Variants in PEX7 observed in about 807,000 individuals in gnomAD.
PEX7 encodes PTS2 receptor.
PEX7 carries 34 observed loss-of-function variants against 47.5 expected under a neutral mutation model. The ratio of observed to expected loss-of-function variants is 0.72; its 90% CI spans 0.54 to 0.95. The LOEUF (loss-of-function observed/expected upper bound fraction) is 0.95, where lower values mean the gene tolerates loss of function less well. PEX7 is among the 40% of genes least tolerant of loss of function. The pLI, the probability that PEX7 is intolerant of heterozygous loss-of-function variation, is 0.00. For missense variants in PEX7, 394 were observed against 400.3 expected (o/e 0.98, Z 0.13); for synonymous variants, 141 against 148.8 (o/e 0.95, Z 0.38).
rs1025040347 is a variant in PEX7 at position 136,856,825 on chromosome 6, A to T, written c.527-9802A>T. 3.3e-5 allele frequency among the ~76,000 whole-genome samples: 5 copies of T among 152,228 alleles called. No homozygotes were observed. In the East Asian group the frequency reaches 9.6e-4, roughly 29 times the overall value. On this transcript the variant is annotated intron_variant, in intron 5 of 9. Coordinates refer to ENST00000318471, the MANE Select transcript of PEX7 (RefSeq NM_000288.4). The stretch of plus-strand genomic sequence containing the variant: ...GGCTGCACATCTAAGGCTTCAGATA[A>T]ATCAGAGGGGATTTGATGAAAATCA...
chr6:136,854,824 C>T (rs1219635111), intron 5 of PEX7, among the ~76,000 whole-genome samples: 1 of 152,180 alleles, frequency 6.6e-6, no homozygotes, highest in Non-Finnish European at 1.5e-5. Flanking sequence ...TGGTGGCTCA[C>T]ATCTGTAATC....
chr6:136,823,052 C>T, intron 1 of PEX7: 1 of 985,446 alleles, frequency 1.0e-6, no homozygotes, highest in South Asian at 4.7e-5. Flanking sequence ...TGTCCTTGTT[C>T]CTTGAGACCG....
chr6:136,822,951 CCTTT>C (rs1774109996), intron 1 of PEX7, 156 bp downstream of exon 1: 1 of 985,410 alleles, frequency 1.0e-6, no homozygotes, highest in African/African-American at 1.7e-5. Flanking sequence ...CGGCGCTTCT[CCTTT>C]CTTTGCCGAG....
intron 9 of PEX7, among the ~76,000 whole-genome samples, chr6:136,903,336 CTT>C (rs552573661): frequency 7.9e-6 from 1 of 126,302 alleles, no homozygotes; most frequent in Admixed American, 8.5e-5. Context: ...CTTTCTTTCT[CTT>C]TTTTTTTTTT....
chr6:136,870,475 G>T (rs1337084994), intron 7 of PEX7, among the ~76,000 whole-genome samples: 1 of 152,152 alleles, frequency 6.6e-6, no homozygotes, highest in East Asian at 1.9e-4. Flanking sequence ...AGCAGAGGAT[G>T]AGGTAAATTT....
chr6:136,842,350 T>C (rs1774516342), intron 3 of PEX7, among the ~76,000 whole-genome samples: 1 of 152,194 alleles, frequency 6.6e-6, no homozygotes, highest in Non-Finnish European at 1.5e-5. Flanking sequence ...GTCCTATCTT[T>C]AGCTCTGTCA....
intron 1 of PEX7, chr6:136,823,016 G>A (rs955874865): frequency 1.0e-6 from 1 of 985,472 alleles, no homozygotes; most frequent in Non-Finnish European, 1.2e-6. Context: ...GTGTGCAAGT[G>A]CATATACGTG....
At chr6:136,890,242 C>T (rs901028048) in intron 8 of PEX7, among the ~76,000 whole-genome samples, 8 of 152,198 alleles carry the variant, frequency 5.3e-5, no homozygotes, top group Non-Finnish European at 1.5e-5. Flanking sequence ...TATCTTTCTC[C>T]AGTATATTAT....
chr6:136,905,139 G>C (rs1775824659), intron 9 of PEX7, among the ~76,000 whole-genome samples: 1 of 152,120 alleles, frequency 6.6e-6, no homozygotes, highest in South Asian at 2.1e-4. Context: ...CTTACTGTTA[G>C]AAGAGAGTTC....
chr6:136,889,099 T>TTGG (rs1479625094), intron 8 of PEX7, among the ~76,000 whole-genome samples: 5 of 152,198 alleles, frequency 3.3e-5, no homozygotes, highest in East Asian at 3.8e-4. Context: ...TTTATATGTA[T>TTGG]GAAGCAATAA....
rs574929986 is a variant in PEX7 at position 136,874,969 on chromosome 6, G to A, written c.803+2716G>A. On this transcript the variant is annotated intron_variant, in intron 8 of 9. Coordinates refer to ENST00000318471, the MANE Select transcript of PEX7 (RefSeq NM_000288.4). ...AGCCTGACCAACATGGTGAAACCCC[G>A]TCTCTACTAAAAATACAAAATTAGC... Among the ~76,000 whole-genome samples, 11 of 151,950 alleles carry A rather than the reference G, an allele frequency of 7.2e-5. 1 individual carries two copies. Among genetic ancestry groups the A allele is most frequent in the South Asian group, 2.1e-4 (1 of 4,816 alleles).
chr6:136,876,607 G>A (rs1775278873), intron 8 of PEX7, among the ~76,000 whole-genome samples: 1 of 152,104 alleles, frequency 6.6e-6, no homozygotes, highest in Non-Finnish European at 1.5e-5. Flanking sequence ...TTCTGTTCCT[G>A]TGTTAGTTTG....
chr6:136,858,127 C>T (rs1316302311), intron 5 of PEX7, among the ~76,000 whole-genome samples: 1 of 152,172 alleles, frequency 6.6e-6, no homozygotes, highest in Non-Finnish European at 1.5e-5. Context: ...TTAAGTATTA[C>T]CTGTTATTAT....
At chr6:136,872,677 T>A (rs1162055859) in intron 8 of PEX7, among the ~76,000 whole-genome samples, 1 of 152,192 alleles carries the variant, frequency 6.6e-6, no homozygotes, top group East Asian at 1.9e-4. Flanking sequence ...TGAATGTAGA[T>A]ATATGAACAT....
chr6:136,893,715 G>A (rs189556886), intron 8 of PEX7, among the ~76,000 whole-genome samples: 178 of 152,250 alleles, frequency 1.2e-3, no homozygotes, highest in African/African-American at 3.5e-3. Flanking sequence ...CAAATGGAGA[G>A]GAGTATATAG....
intron 5 of PEX7, among the ~76,000 whole-genome samples, chr6:136,865,367 C>T (rs111340891): frequency 1.1e-4 from 16 of 152,138 alleles, no homozygotes; most frequent in African/African-American, 2.4e-4. Flanking sequence ...GGCACAATCT[C>T]GGCTCACTGC....
At chr6:136,883,285 A>G (rs1324476407) in intron 8 of PEX7, among the ~76,000 whole-genome samples, 1 of 152,168 alleles carries the variant, frequency 6.6e-6, no homozygotes, top group Non-Finnish European at 1.5e-5. Context: ...GACCTTTGAA[A>G]GCTTATAGGC....
chr6:136,823,323 T>C (rs1774119970), intron 1 of PEX7: 3 of 985,408 alleles, frequency 3.0e-6, no homozygotes, highest in Non-Finnish European at 3.6e-6. Flanking sequence ...CACCATGAAA[T>C]ATATCAAGTT....
intron 8 of PEX7, among the ~76,000 whole-genome samples, chr6:136,877,696 A>T (rs953083032): frequency 1.3e-5 from 2 of 152,164 alleles, no homozygotes; most frequent in Non-Finnish European, 2.9e-5. Flanking sequence ...TACCAGTACC[A>T]TGCTGTTTTG....
Sources: gnomAD v4.1 joint callset for allele counts (sites outside exome capture counted in the v4.1 genomes callset) on GRCh38, gnomAD v4.1.1 for gene constraint, MANE v1.5 for transcripts, NCBI Gene and HGNC (gene_info 2026-07-23, HGNC 2026-07-21) for gene names.